The following CDH13 variants were observed in gnomAD, a reference collection of about 807,000 sequenced individuals.
The protein encoded by CDH13 is cadherin-13.
Under a neutral mutation model 63.8 loss-of-function variants are expected in CDH13, and 24 were observed. That is an observed-to-expected ratio of 0.38 (90% CI 0.27 to 0.53). The LOEUF (loss-of-function observed/expected upper bound fraction) is 0.53. CDH13 is among the 20% of genes least tolerant of loss of function. The pLI, the probability that CDH13 is intolerant of heterozygous loss-of-function variation, is 0.85. For synonymous variants in CDH13, 503 were observed against 355.3 expected, an observed-to-expected ratio of 1.42 and a Z score of -4.67; for missense variants, 1,049 against 903.1, an observed-to-expected ratio of 1.16 and a Z score of -2.07.
Position 83,357,625 on chromosome 16 carries a change from C to A in CDH13, c.781+12619C>A, listed in dbSNP as rs552604503. On this transcript the variant is annotated intron_variant, in intron 6 of 13. Transcript: ENST00000567109. ...TTCCACACTGGGGAAGAAGAGGGTACAACTGGCATCGAGCGGGCCAAGGTC... is the reference window on the plus strand; with the variant it reads ...TTCCACACTGGGGAAGAAGAGGGTAAAACTGGCATCGAGCGGGCCAAGGTC... Among the ~76,000 whole-genome samples, 10 of 152,212 alleles carry A rather than the reference C, an allele frequency of 6.6e-5. No homozygotes were observed. The South Asian group carries it at 1.9e-3, about 28-fold the overall frequency.
chr16:83,689,989 C>G (rs528905480), intron 10 of CDH13, among the ~76,000 whole-genome samples: 1 of 152,132 alleles, frequency 6.6e-6, no homozygotes, highest in Non-Finnish European at 1.5e-5. Context: ...AATTTGAGAC[C>G]AGCCTGACCA....
chr16:82,805,813 CAG>C (rs1392315221), intron 1 of CDH13, among the ~76,000 whole-genome samples: 5 of 152,120 alleles, frequency 3.3e-5, no homozygotes, highest in African/African-American at 9.7e-5. Flanking sequence ...CCATATCAGA[CAG>C]AGAAATAAGG....
chr16:82,668,316 A>G (rs1912845922), intron 1 of CDH13, among the ~76,000 whole-genome samples: 1 of 152,122 alleles, frequency 6.6e-6, no homozygotes, highest in Admixed American at 6.5e-5. Context: ...AACCCCAGGG[A>G]TGGCATCAGG....
intron 3 of CDH13, among the ~76,000 whole-genome samples, chr16:83,058,538 T>C (rs2031190347): frequency 6.6e-6 from 1 of 152,218 alleles, no homozygotes. Flanking sequence ...TCCAACCATG[T>C]TGCCAAGAGA....
At chr16:83,371,520 G>A (rs1597854472) in intron 6 of CDH13, among the ~76,000 whole-genome samples, 1 of 152,166 alleles carries the variant, frequency 6.6e-6, no homozygotes, top group Non-Finnish European at 1.5e-5. Context: ...GATAATTTTA[G>A]GTGGCATAGA....
At chr16:83,339,658 G>C (rs961881465) in intron 5 of CDH13, among the ~76,000 whole-genome samples, 32 of 152,090 alleles carry the variant, frequency 2.1e-4, no homozygotes, top group African/African-American at 7.7e-4. Context: ...CAGGTCCAGT[G>C]CTCTTTCCAC....
intron 10 of CDH13, among the ~76,000 whole-genome samples, chr16:83,728,429 A>G (rs933708881): frequency 6.6e-6 from 1 of 152,016 alleles, no homozygotes; most frequent in Non-Finnish European, 1.5e-5. Context: ...ACAACAGTTC[A>G]ATAGCTCCTG....
intron 6 of CDH13, among the ~76,000 whole-genome samples, chr16:83,369,914 C>A (rs1032411153): frequency 1.3e-5 from 2 of 152,178 alleles, no homozygotes; most frequent in Non-Finnish European, 2.9e-5. Flanking sequence ...TAAACTCAAC[C>A]ACCTGGCTTC....
At chr16:82,654,239 A>C (rs186307778) in intron 1 of CDH13, among the ~76,000 whole-genome samples, 1 of 151,916 alleles carries the variant, frequency 6.6e-6, no homozygotes, top group Admixed American at 6.5e-5. Flanking sequence ...TCTGCCTGAA[A>C]CCTCTGGACA....
At chr16:83,157,177 A>G (rs2037242420) in intron 4 of CDH13, among the ~76,000 whole-genome samples, 1 of 152,142 alleles carries the variant, frequency 6.6e-6, no homozygotes. Flanking sequence ...TCTTAGTTAA[A>G]TTACTTTTTA....
chr16:83,616,426 C>G (rs1191338302), intron 8 of CDH13, among the ~76,000 whole-genome samples: 1 of 152,012 alleles, frequency 6.6e-6, no homozygotes, highest in Non-Finnish European at 1.5e-5. Context: ...TTTGCTAAAC[C>G]TCTGGTTATG....
chr16:83,570,840 TTTTATATA>T (rs1257808421), intron 7 of CDH13, among the ~76,000 whole-genome samples: 1 of 61,540 alleles, frequency 1.6e-5, no homozygotes, highest in Non-Finnish European at 4.5e-5. Context: ...AAATTTATAT[TTTTATATA>T]TATAAATATA....
At chr16:83,070,749 G>A (rs1316438071) in intron 3 of CDH13, among the ~76,000 whole-genome samples, 2 of 151,952 alleles carry the variant, frequency 1.3e-5, no homozygotes, top group African/African-American at 2.4e-5. Context: ...AGGAGCCAAG[G>A]GAAAGCCTTG....
At chr16:83,092,704 A>T (rs2033977335) in intron 3 of CDH13, among the ~76,000 whole-genome samples, 1 of 152,118 alleles carries the variant, frequency 6.6e-6, no homozygotes, top group Admixed American at 6.6e-5. Context: ...AGTTGTTGGA[A>T]ATTCAGGTAC....
chr16:83,191,664 C>G (rs1023575219), intron 4 of CDH13, among the ~76,000 whole-genome samples: 22 of 151,124 alleles, frequency 1.5e-4, no homozygotes, highest in African/African-American at 5.4e-4. Context: ...GGAGCCAGTC[C>G]AAGTTCCAAA....
chr16:83,037,928 G>A (rs1055510766), intron 3 of CDH13, among the ~76,000 whole-genome samples: 1 of 152,110 alleles, frequency 6.6e-6, no homozygotes, highest in Non-Finnish European at 1.5e-5. Flanking sequence ...TCCCATCAAT[G>A]GTATAATTTT....
chr16:83,797,308 A>C lies in CDH13; in HGVS notation c.*2278A>C, dbSNP rs945057930. 3 of 152,256 alleles carry C rather than the reference A, an allele frequency of 2.0e-5. No homozygotes were observed. The highest frequency in any genetic ancestry group is 1.9e-4 in the East Asian group (1 of 5,200). The allele number at this position is 152,256 out of a possible 1,614,324, so 9.4% of individuals were successfully genotyped here. On this transcript the variant is annotated 3_prime_UTR_variant, in exon 14 of 14. Coordinates refer to ENST00000567109, the MANE Select transcript of CDH13 (RefSeq NM_001257.5). ...ATTCACTCAAGGAAACAAATACAGC[A>C]TGACTCCTTTTCTCTCAAGCTGGTA...
intron 4 of CDH13, among the ~76,000 whole-genome samples, chr16:83,130,453 T>C (rs2084621322): frequency 6.6e-6 from 1 of 152,226 alleles, no homozygotes; most frequent in Admixed American, 6.5e-5. Flanking sequence ...AATTTCTCTT[T>C]TTAAAACAGC....
intron 10 of CDH13, among the ~76,000 whole-genome samples, chr16:83,695,084 A>G (rs1905246633): frequency 6.6e-6 from 1 of 152,040 alleles, no homozygotes; most frequent in Non-Finnish European, 1.5e-5. Context: ...GCGCGTGCCC[A>G]TAGTCCCAGC....
Sources: allele counts gnomAD v4.1 joint callset (sites outside exome capture counted in the v4.1 genomes callset), GRCh38; gene constraint gnomAD v4.1.1; transcripts MANE v1.5; gene names NCBI Gene and HGNC (gene_info 2026-07-23, HGNC 2026-07-21).